PALS1: variants seen among roughly 807,000 people sequenced by gnomAD.
The protein encoded by PALS1 is protein associated with LIN7 1, MAGUK p55 family member, also known as protein PALS1.
In PALS1, 31 loss-of-function variants were observed where a neutral mutation model predicts 78.9. The observed-to-expected ratio is 0.39, with a 90% CI of 0.30 to 0.53. The LOEUF (loss-of-function observed/expected upper bound fraction) is 0.53, where lower values mean the gene tolerates loss of function less well. Ranked by LOEUF, PALS1 falls within the 20% of genes least tolerant of loss-of-function variation. The pLI, the probability that PALS1 is intolerant of heterozygous loss-of-function variation, is 0.67. For synonymous variants in PALS1, 276 were observed against 270.9 expected (o/e 1.02, Z -0.18); for missense variants, 704 against 826.5 (o/e 0.85, Z 1.82).
chr14:67,251,322 C>T (rs77954731), intron 1 of PALS1, among the ~76,000 whole-genome samples: 1 of 152,108 alleles, frequency 6.6e-6, no homozygotes, highest in South Asian at 2.1e-4. Flanking sequence ...CGCTTGAGCC[C>T]AGGAGTTTGA....
chr14:67,272,308 C>G (rs915932098), intron 2 of PALS1, among the ~76,000 whole-genome samples: 5 of 152,172 alleles, frequency 3.3e-5, no homozygotes, highest in Non-Finnish European at 1.5e-5. Context: ...TCCCCTCACA[C>G]CTTTCATCTT....
At chr14:67,242,870 A>G (rs956662961) in intron 1 of PALS1, among the ~76,000 whole-genome samples, 13 of 152,352 alleles carry the variant, frequency 8.5e-5, no homozygotes, top group African/African-American at 3.1e-4. Flanking sequence ...GATTAACATT[A>G]ATTTGTTTTA....
In PALS1 at chr14:67,295,742, A is replaced by T. The variant is rs532729119; in HGVS notation, c.576+3023A>T. 6.6e-5 allele frequency among the ~76,000 whole-genome samples: 10 copies of T among 152,228 alleles called. No individual in the cohort carries two copies. The South Asian group carries it at 2.1e-3, about 32-fold the overall frequency. On this transcript the variant is annotated intron_variant, in intron 4 of 14. Transcript: ENST00000261681. ...TTTGTGAACTTATGGAACAACTGAAACTCTCATACATCACTGGTGGAGTAT... is the reference window on the plus strand; with the variant it reads ...TTTGTGAACTTATGGAACAACTGAATCTCTCATACATCACTGGTGGAGTAT...
chr14:67,262,218 T>C (rs2084249756), intron 1 of PALS1, among the ~76,000 whole-genome samples: 1 of 152,164 alleles, frequency 6.6e-6, no homozygotes, highest in African/African-American at 2.4e-5. Context: ...ATGTAAGATA[T>C]AAGTATGTAA....
intron 2 of PALS1, chr14:67,270,587 CTTT>C (rs151185607): frequency 1.4e-4 from 20 of 139,646 alleles, no homozygotes; most frequent in East Asian, 4.2e-4. Context: ...TGTCAAAGGA[CTTT>C]TTTTTTTTTT....
chr14:67,280,496 A>G (rs1470632926), intron 3 of PALS1, among the ~76,000 whole-genome samples: 1 of 152,208 alleles, frequency 6.6e-6, no homozygotes, highest in Non-Finnish European at 1.5e-5. Context: ...CATGTAATAA[A>G]ATAATCCTGT....
chr14:67,244,389 T>A (rs1302637400), intron 1 of PALS1, among the ~76,000 whole-genome samples: 1 of 152,116 alleles, frequency 6.6e-6, no homozygotes, highest in African/African-American at 2.4e-5. Flanking sequence ...TGACAGTGGC[T>A]TCACATTCTT....
chr14:67,265,384 C>CT (rs1479060533), intron 1 of PALS1, among the ~76,000 whole-genome samples: 2 of 151,874 alleles, frequency 1.3e-5, no homozygotes, highest in Admixed American at 6.6e-5. Flanking sequence ...TACTGAGACT[C>CT]TGTCTCTAAG....
At position 67,301,348 on chromosome 14, in the gene PALS1, C is replaced by A. The variant is rs759622056; in HGVS notation, c.577-41C>A. ...CTGCATACAGGTGCTACTGATACTT[C>A]CTATAATCTAGGAAGAATAATCTTT... is the stretch of plus-strand genomic sequence containing the variant. On this transcript the variant is annotated intron_variant, in intron 4 of 14. Transcript: ENST00000261681. The A allele has an allele frequency of 4.9e-6, 7 of 1,423,708 alleles. No individual in the cohort carries two copies. The African/African-American group carries it at 9.8e-5, about 20-fold the overall frequency. The allele number at this position is 1,423,708 out of a possible 1,614,324, so 88.2% of individuals were successfully genotyped here.
intron 3 of PALS1, among the ~76,000 whole-genome samples, chr14:67,289,594 G>C (rs921071332): frequency 6.6e-6 from 1 of 151,938 alleles, no homozygotes; most frequent in African/African-American, 2.4e-5. Flanking sequence ...TTGATTTGGG[G>C]CGGGAAAGAT....
At chr14:67,327,186 AT>A (rs1319846640) in intron 14 of PALS1, among the ~76,000 whole-genome samples, 1 of 151,998 alleles carries the variant, frequency 6.6e-6, no homozygotes, top group Non-Finnish European at 1.5e-5. Context: ...AAAAGAAAAA[AT>A]TTTTTTTGAG....
At chr14:67,277,002 G>T (rs2084516513) in intron 2 of PALS1, among the ~76,000 whole-genome samples, 2 of 152,068 alleles carry the variant, frequency 1.3e-5, no homozygotes, top group Non-Finnish European at 2.9e-5. Context: ...TATAGAGAGG[G>T]TTAAGAGTTT....
rs989012894 is a variant in PALS1, at chr14:67,279,078, G to A, written c.-93G>A. On this transcript the variant is annotated 5_prime_UTR_variant, in exon 3 of 15. Coordinates refer to ENST00000261681, the MANE Select transcript of PALS1 (RefSeq NM_022474.4). ...TGTGATGTGAGAAGTTTTTTTTTTT[G>A]AAGTAACATGGATTTTATACTACAG... 9 of 863,770 alleles carry A rather than the reference G, an allele frequency of 1.0e-5. No homozygotes were observed. The highest frequency in any genetic ancestry group is 4.5e-5 in the Admixed American group (1 of 22,026). 53.5% of individuals were successfully genotyped at this position (863,770 alleles called of 1,614,324 possible). A position where few individuals can be genotyped will look rare whatever the true frequency, so the allele number is the denominator to read the frequency against.
At chr14:67,266,001 G>A (rs1417322361) in intron 1 of PALS1, among the ~76,000 whole-genome samples, 1 of 151,964 alleles carries the variant, frequency 6.6e-6, no homozygotes, top group Non-Finnish European at 1.5e-5. Context: ...TAGAGACAAG[G>A]TCTCACTGTG....
At chr14:67,263,795 C>A (rs1237076562) in intron 1 of PALS1, among the ~76,000 whole-genome samples, 30 of 152,306 alleles carry the variant, frequency 2.0e-4, no homozygotes, top group South Asian at 1.0e-3. Context: ...AGTAGTGTTG[C>A]TGCTTTTACT....
Position 67,333,039 on chromosome 14 carries a change from T to A in PALS1, c.*83T>A. ...GGACTGCCCGACACTGCAGCAAGAT[T>A]GAGGATAAGATGGAAGGCAGCAGTA... is the stretch of plus-strand genomic sequence containing the variant. On this transcript the variant is annotated 3_prime_UTR_variant, in exon 15 of 15. Coordinates refer to ENST00000261681, the MANE Select transcript of PALS1 (RefSeq NM_022474.4). 1.6e-6 allele frequency: 2 copies of A among 1,250,764 alleles called. No individual in the cohort carries two copies. The highest frequency in any genetic ancestry group is 2.3e-6 in the Non-Finnish European group (2 of 885,474). 77.5% of individuals were successfully genotyped at this position (1,250,764 alleles called of 1,614,324 possible).
intron 1 of PALS1, among the ~76,000 whole-genome samples, chr14:67,261,455 C>T (rs1365900447): frequency 2.6e-5 from 4 of 152,038 alleles, no homozygotes; most frequent in African/African-American, 4.8e-5. Context: ...ATTACAGTTA[C>T]GATTTTGAAA....
At position 67,279,085 on chromosome 14, in the gene PALS1, C is replaced by T. The variant is rs1405305209; in HGVS notation, c.-86C>T. On this transcript the variant is annotated 5_prime_UTR_variant, in exon 3 of 15. Coordinates refer to ENST00000261681, the MANE Select transcript of PALS1 (RefSeq NM_022474.4). ...TGAGAAGTTTTTTTTTTTGAAGTAA[C>T]ATGGATTTTATACTACAGAATCAAG... 3.5e-6 allele frequency: 4 copies of T among 1,144,188 alleles called. No individual in the cohort carries two copies. The highest frequency in any genetic ancestry group is 3.4e-5 in the Admixed American group (1 of 29,258). 70.9% of individuals were successfully genotyped at this position (1,144,188 alleles called of 1,614,324 possible).
intron 2 of PALS1, among the ~76,000 whole-genome samples, chr14:67,278,139 C>T (rs1051040380): frequency 6.6e-6 from 1 of 151,282 alleles, no homozygotes; most frequent in Non-Finnish European, 1.5e-5. Flanking sequence ...CAGGTTCAAG[C>T]GATTCTCCTG....
Sources: allele counts gnomAD v4.1 joint callset (sites outside exome capture counted in the v4.1 genomes callset), GRCh38; gene constraint gnomAD v4.1.1; transcripts MANE v1.5; gene names NCBI Gene and HGNC (gene_info 2026-07-23, HGNC 2026-07-21).